MPHOSPH10: variants seen among roughly 807,000 people sequenced by gnomAD.
The protein encoded by MPHOSPH10 is M-phase phosphoprotein 10.
In MPHOSPH10, 33 loss-of-function variants were observed where a neutral mutation model predicts 77.3. The observed-to-expected ratio is 0.43, with a 90% confidence interval of 0.32 to 0.57. The LOEUF (loss-of-function observed/expected upper bound fraction) is 0.57, where lower values mean the gene tolerates loss of function less well. MPHOSPH10 is among the 20% of genes least tolerant of loss of function. The probability of loss-of-function intolerance (pLI) is 0.07; values close to 1 mark genes in which losing one functional copy is unlikely to be tolerated. For missense variants in MPHOSPH10, 708 were observed against 780.1 expected (o/e 0.91, Z 1.10); for synonymous variants, 245 against 268.0 (o/e 0.91, Z 0.84).
intron 8 of MPHOSPH10, among the ~76,000 whole-genome samples, chr2:71,147,532 G>T (rs1184788421): frequency 1.3e-5 from 2 of 152,114 alleles, no homozygotes; most frequent in African/African-American, 4.8e-5. Context: ...AATTAGCCAG[G>T]TGTGATGGCA....
At chr2:71,145,509 G>GTT (rs34190822) in intron 8 of MPHOSPH10, among the ~76,000 whole-genome samples, 44,776 of 147,756 alleles carry the variant, frequency 0.3, 7,008 homozygotes, top group East Asian at 0.48. Context: ...TGTTTGTTTG[G>GTT]TTTTTTTTTT....
Position 71,141,292 on chromosome 2 carries a change from C to T in MPHOSPH10, c.1369C>T (p.Arg457Cys), listed in dbSNP as rs779763686. The change falls in exon 7 of 11, where the codon CGT becomes TGT. Residue 457 changes from arginine (R) to cysteine (C), a missense_variant. Physicochemically the swap from Arg to Cys is radical, Grantham distance 180. Transcript: ENST00000244230. The stretch of plus-strand genomic sequence containing the variant: ...AGAGGATGCATATGAATATAAAAAG[C>T]GTTTAACCTTAGACCATGAGAAGAG... ...PKEDAYEYKK[R>C]LTLDHEKSKL... 3.8e-6 allele frequency: 6 copies of T among 1,568,230 alleles called. No individual in the cohort carries two copies. Among genetic ancestry groups the T allele is most frequent in the East Asian group, 4.8e-5 (2 of 41,688 alleles).
At chr2:71,136,425 G>A (rs1373389022) in intron 4 of MPHOSPH10, among the ~76,000 whole-genome samples, 1 of 151,980 alleles carries the variant, frequency 6.6e-6, no homozygotes, top group Non-Finnish European at 1.5e-5. Context: ...TGATGGGGGA[G>A]GATCTCTTGA....
intron 4 of MPHOSPH10, 29 bp from the exon 5 acceptor site, chr2:71,138,461 G>A: frequency 6.8e-7 from 1 of 1,474,974 alleles, no homozygotes; most frequent in Non-Finnish European, 9.1e-7. Context: ...TTTTCTAAAT[G>A]TATACTAGTT....
intron 4 of MPHOSPH10, among the ~76,000 whole-genome samples, chr2:71,137,484 C>A (rs905852364): frequency 6.6e-6 from 1 of 151,836 alleles, no homozygotes; most frequent in African/African-American, 2.4e-5. Context: ...CATGGTAAGA[C>A]CTCGTCTCTA....
intron 4 of MPHOSPH10, among the ~76,000 whole-genome samples, 195 bp downstream of exon 4, chr2:71,134,992 C>T (rs1488550453): frequency 6.6e-6 from 1 of 152,118 alleles, no homozygotes; most frequent in East Asian, 1.9e-4. Flanking sequence ...CATAGTGAGA[C>T]CTTGTCTCTA....
chr2:71,136,442 G>C (rs1673490955), intron 4 of MPHOSPH10, among the ~76,000 whole-genome samples: 1 of 151,978 alleles, frequency 6.6e-6, no homozygotes, highest in Non-Finnish European at 1.5e-5. Context: ...TTGAGTCCAG[G>C]AGTTCAAGGC....
intron 8 of MPHOSPH10, 116 bp from the exon 9 acceptor site, chr2:71,147,883 G>C: frequency 1.3e-6 from 1 of 759,384 alleles, no homozygotes; most frequent in Non-Finnish European, 2.1e-6. Context: ...GTGAAAAAAA[G>C]ATAATCTCCA....
chr2:71,134,126 TTTACA>T (rs1444095526), intron 3 of MPHOSPH10, 21 bp downstream of exon 3: 1 of 1,592,324 alleles, frequency 6.3e-7, no homozygotes, highest in African/African-American at 1.4e-5. Context: ...TGAACCATCC[TTTACA>T]TTGTAAGCTG....
chr2:71,136,842 T>C (rs1247298444), intron 4 of MPHOSPH10, among the ~76,000 whole-genome samples: 1 of 135,140 alleles, frequency 7.4e-6, no homozygotes, highest in East Asian at 2.1e-4. Flanking sequence ...AAGTAGAACT[T>C]TCAACCTTTT....
intron 6 of MPHOSPH10, among the ~76,000 whole-genome samples, chr2:71,140,353 G>A (rs576590699): frequency 2.0e-5 from 3 of 152,266 alleles, no homozygotes; most frequent in Admixed American, 1.3e-4. Context: ...GGTGGTGCAG[G>A]GCATCACATG....
intron 8 of MPHOSPH10, among the ~76,000 whole-genome samples, chr2:71,147,683 A>G (rs960861101): frequency 7.2e-5 from 11 of 151,968 alleles, no homozygotes; most frequent in African/African-American, 2.4e-4. Context: ...AAAAGAAAAA[A>G]AAAAAGAAAA....
At position 71,149,296 on chromosome 2, in the gene MPHOSPH10, A is replaced by G; in HGVS notation, c.1739A>G (p.Lys580Arg). The G allele has an allele frequency of 6.2e-7, 1 of 1,609,488 alleles. No homozygotes were observed. The highest frequency in any genetic ancestry group is 8.5e-7 in the Non-Finnish European group (1 of 1,177,470). Residue 580 changes from lysine (K) to arginine (R), a missense_variant, in exon 10 of 11, where the codon AAA (lysine) becomes AGA (arginine). Around this residue, in one of 3 missense-constraint regions of MPHOSPH10, gnomAD observed 263 missense variants for 320.0 expected, o/e 0.82. Coordinates refer to ENST00000244230, the MANE Select transcript of MPHOSPH10 (RefSeq NM_005791.3). ...TATDKKRERRKKKYQKRMKIK... is the reference protein window; with the variant it reads ...TATDKKRERRRKKYQKRMKIK... ...ACAGACAAGAAACGAGAGCGAAGGA[A>G]AAAGAAATATCAAAAGCGTATGAAA... is the stretch of plus-strand genomic sequence containing the variant.
intron 4 of MPHOSPH10, among the ~76,000 whole-genome samples, chr2:71,135,886 G>A (rs551807732): frequency 6.6e-6 from 1 of 151,850 alleles, no homozygotes; most frequent in Non-Finnish European, 1.5e-5. Context: ...TGTATTTTTA[G>A]TAGAGACGGG....
Position 71,146,334 on chromosome 2 carries a change from C to CTTTT in MPHOSPH10, c.1558-1649_1558-1646dup, listed in dbSNP as rs778705527. 2.9e-3 allele frequency among the ~76,000 whole-genome samples: 315 copies of CTTTT among 107,312 alleles called. 12 individuals are homozygous for CTTTT. Among genetic ancestry groups the CTTTT allele is most frequent in the Admixed American group, 0.023 (193 of 8,460 alleles). 70.4% of individuals were successfully genotyped at this position (107,312 alleles called of 152,430 possible). On this transcript the variant is annotated intron_variant, in intron 8 of 10. Transcript: ENST00000244230. Reference sequence around the variant, plus strand: ...TAATCACAGCCATTATTTTTTGTGGCTTTTTTTTTTTTTTTTTTTGAGACA... The same window carrying CTTTT: ...TAATCACAGCCATTATTTTTTGTGGCTTTTTTTTTTTTTTTTTTTTTTTGAGACA...
intron 7 of MPHOSPH10, among the ~76,000 whole-genome samples, chr2:71,143,635 G>T (rs1673653773): frequency 6.6e-6 from 1 of 151,994 alleles, no homozygotes; most frequent in Non-Finnish European, 1.5e-5. Context: ...ACTTGCCCCA[G>T]CCCCAACAAA....
At chr2:71,136,530 A>G (rs1436425966) in intron 4 of MPHOSPH10, among the ~76,000 whole-genome samples, 3 of 151,904 alleles carry the variant, frequency 2.0e-5, no homozygotes, top group African/African-American at 4.8e-5. Context: ...ATTAAAAAAA[A>G]AAAGAGAACA....
intron 10 of MPHOSPH10, 82 bp from the exon 11 acceptor site, chr2:71,149,784 T>A: frequency 8.5e-7 from 1 of 1,181,138 alleles, no homozygotes; most frequent in Non-Finnish European, 1.2e-6. Context: ...CATACATTGT[T>A]GTAATGGTGA....
At chr2:71,142,255 T>C (rs1054757330) in intron 7 of MPHOSPH10, among the ~76,000 whole-genome samples, 2 of 152,166 alleles carry the variant, frequency 1.3e-5, no homozygotes, top group African/African-American at 2.4e-5. Flanking sequence ...CAACAGCAAA[T>C]TGCCCTGATG....
Sources: allele counts gnomAD v4.1 joint callset (sites outside exome capture counted in the v4.1 genomes callset), GRCh38; gene constraint gnomAD v4.1.1; regional missense constraint gnomAD v4.1.1; transcripts MANE v1.5; gene names NCBI Gene and HGNC (gene_info 2026-07-23, HGNC 2026-07-21).